Variants in CYREN observed in about 807,000 individuals in gnomAD.
CYREN encodes the protein cell cycle regulator of NHEJ.
CYREN carries 7 observed loss-of-function variants against 9.7 expected under a neutral mutation model. That is an observed-to-expected ratio of 0.72 (90% CI 0.41 to 1.36). The LOEUF is 1.36. CYREN is among the 40% of genes most tolerant of loss of function. The probability of loss-of-function intolerance (pLI) is 0.01; values close to 1 mark genes in which losing one functional copy is unlikely to be tolerated. For missense variants in CYREN, 215 were observed against 198.1 expected (o/e 1.09, Z -0.51); for synonymous variants, 76 against 77.9 (o/e 0.98, Z 0.13).
At chr7:135,162,972 A>G (rs1214156348), downstream of CYREN, among the ~76,000 whole-genome samples, 2 of 152,380 alleles carry the variant, frequency 1.3e-5, no homozygotes, top group East Asian at 1.9e-4. Context: ...GTTAGGCAGT[A>G]TTTAGCAAGA....
intron 2 of CYREN, chr7:135,148,052 G>A (rs529980004): frequency 2.2e-6 from 1 of 456,216 alleles, no homozygotes; most frequent in East Asian, 7.0e-5. Flanking sequence ...ACATCAGTCA[G>A]AACAAATGTA....
At chr7:135,130,300 A>T (rs564995613) in intron 2 of CYREN, among the ~76,000 whole-genome samples, 1 of 152,356 alleles carries the variant, frequency 6.6e-6, no homozygotes, top group African/African-American at 2.4e-5. Context: ...TAATAATTTA[A>T]AAATATGTTT....
intron 2 of CYREN, among the ~76,000 whole-genome samples, chr7:135,128,007 G>C (rs1828129620): frequency 6.6e-6 from 1 of 151,860 alleles, no homozygotes; most frequent in African/African-American, 2.4e-5. Context: ...AAAAGGAATG[G>C]GATCTGCCAG....
At chr7:135,129,994 A>G (rs1828500091) in intron 2 of CYREN, among the ~76,000 whole-genome samples, 1 of 152,226 alleles carries the variant, frequency 6.6e-6, no homozygotes, top group Non-Finnish European at 1.5e-5. Flanking sequence ...TGCCTTCCCC[A>G]AGCTTTACAT....
At chr7:135,159,928 T>C (rs569036253) in intron 2 of CYREN, among the ~76,000 whole-genome samples, 4 of 152,354 alleles carry the variant, frequency 2.6e-5, no homozygotes, top group African/African-American at 9.6e-5. Flanking sequence ...TCTCTGAAAC[T>C]GCTGGTGGAA....
At chr7:135,168,680 C>G (rs1462384479) in intron 2 of CYREN, 106 bp downstream of exon 2, 27 of 1,464,320 alleles carry the variant, frequency 1.8e-5, no homozygotes, top group Non-Finnish European at 2.1e-5. Context: ...CTGAAACACC[C>G]GCCCATCTTG....
rs186350253 is a variant in CYREN at position 135,152,271 on chromosome 7, T to C, written n.356+16478A>G. Reference sequence around the variant, plus strand: ...CTTCAAGGTCCATGCTCAGAACCAGTATTCCACACTGTCTTCACTACGTCA... The same window carrying C: ...CTTCAAGGTCCATGCTCAGAACCAGCATTCCACACTGTCTTCACTACGTCA... On this transcript the variant is annotated intron_variant and non_coding_transcript_variant, in intron 2 of 2. Coordinates refer to the CYREN transcript ENST00000459937. Among the ~76,000 whole-genome samples, 1,087 of 152,336 alleles carry C rather than the reference T, an allele frequency of 7.1e-3. 8 individuals carry two copies. The highest frequency in any genetic ancestry group is 0.012 in the Non-Finnish European group (796 of 68,038).
chr7:135,128,748 C>A, intron 2 of CYREN: 3 of 1,369,304 alleles, frequency 2.2e-6, no homozygotes, highest in Non-Finnish European at 3.1e-6. Flanking sequence ...CAGCTCAAGC[C>A]TCTCCCAACA....
downstream of CYREN, among the ~76,000 whole-genome samples, chr7:135,163,969 T>C (rs1830014538): frequency 6.6e-6 from 1 of 152,224 alleles, no homozygotes; most frequent in African/African-American, 2.4e-5. Context: ...CCCCAGGTGG[T>C]TGTCTTGGCA....
chr7:135,139,692 T>G (rs575449174), intron 2 of CYREN, among the ~76,000 whole-genome samples: 1 of 152,130 alleles, frequency 6.6e-6, no homozygotes, highest in Non-Finnish European at 1.5e-5. Flanking sequence ...TTCTATGCTT[T>G]TTATAGTTTT....
At chr7:135,158,785 C>T (rs1829857554) in intron 2 of CYREN, among the ~76,000 whole-genome samples, 1 of 152,218 alleles carries the variant, frequency 6.6e-6, no homozygotes, top group Non-Finnish European at 1.5e-5. Context: ...CCCAGGGGTG[C>T]ATGGGAGCAC....
intron 2 of CYREN, among the ~76,000 whole-genome samples, chr7:135,123,768 C>T (rs748067112): frequency 6.6e-6 from 1 of 152,086 alleles, no homozygotes; most frequent in Non-Finnish European, 1.5e-5. Context: ...AAATTTCAAC[C>T]CAGAATTTCA....
intron 2 of CYREN, among the ~76,000 whole-genome samples, chr7:135,154,016 T>C (rs988797947): frequency 6.6e-6 from 1 of 152,190 alleles, no homozygotes; most frequent in Non-Finnish European, 1.5e-5. Flanking sequence ...CACTACTCAT[T>C]ATTGGTCTGT....
At position 135,151,179 on chromosome 7, in the gene CYREN, T is replaced by G. The variant is rs1206254604; in HGVS notation, n.356+17570A>C. Among the ~76,000 whole-genome samples the G allele has an allele frequency of 6.6e-6, 1 of 152,194 alleles. No homozygotes were observed. Among genetic ancestry groups the G allele is most frequent in the Non-Finnish European group, 1.5e-5 (1 of 68,032 alleles). On this transcript the variant is annotated intron_variant and non_coding_transcript_variant, in intron 2 of 2. Transcript: ENST00000459937. This position sits in a 1 kb window ranked among gnomAD's most constrained non-coding sequence, Gnocchi z 4.3. ...TAAATCAAAACATCACAGCATTCAT[T>G]AAAAACTTGGTGGTTGGGATGGCTG...
downstream of CYREN, chr7:135,164,993 C>T (rs1830056343): frequency 1.3e-6 from 2 of 1,584,028 alleles, no homozygotes; most frequent in Non-Finnish European, 1.7e-6. Flanking sequence ...AGCTTGAGAG[C>T]TGCTAAAGGC....
chr7:135,168,762 G>C (rs753527057), intron 2 of CYREN, 24 bp downstream of exon 2: 1 of 1,609,304 alleles, frequency 6.2e-7, no homozygotes, highest in African/African-American at 1.3e-5. Context: ...ATTCGCAGGA[G>C]TCTTCTGACC....
At chr7:135,131,315 G>C (rs1365652962) in intron 2 of CYREN, among the ~76,000 whole-genome samples, 4 of 152,048 alleles carry the variant, frequency 2.6e-5, no homozygotes, top group Non-Finnish European at 5.9e-5. Flanking sequence ...GCCTGTTGCG[G>C]GGTGAGGGGT....
At chr7:135,164,757 T>C (rs770162914), downstream of CYREN, 2 of 1,614,198 alleles carry the variant, frequency 1.2e-6, no homozygotes, top group Non-Finnish European at 8.5e-7. Context: ...CCTAGCCCAG[T>C]GCAACAGTGA....
rs149945426 is a variant in CYREN at position 135,146,472 on chromosome 7, C to T, written n.356+22277G>A. ...AAAAAATGGTGCCAATAGACTTGCT[C>T]GATGCAAAAATGCCACAAATCCTCA... is the stretch of plus-strand genomic sequence containing the variant. On this transcript the variant is annotated intron_variant and non_coding_transcript_variant, in intron 2 of 2. Coordinates refer to the CYREN transcript ENST00000459937. Among the ~76,000 whole-genome samples, 8 of 152,050 alleles carry T rather than the reference C, an allele frequency of 5.3e-5. No homozygotes were observed. In the East Asian group the frequency reaches 1.4e-3, roughly 26 times the overall value.
Sources: gnomAD v4.1 joint callset for allele counts (sites outside exome capture counted in the v4.1 genomes callset) on GRCh38, gnomAD v4.1.1 for gene constraint, Gnocchi (gnomAD v3.1) non-coding constraint, MANE v1.5 for transcripts, NCBI Gene and HGNC (gene_info 2026-07-23, HGNC 2026-07-21) for gene names.